The following FGFRL1 variants were observed in gnomAD, a reference collection of about 807,000 sequenced individuals.
FGFRL1 encodes fibroblast growth factor receptor-like 1.
Under a neutral mutation model 36.8 loss-of-function variants are expected in FGFRL1, and 24 were observed. The observed-to-expected ratio is 0.65, with a 90% CI of 0.47 to 0.92. The LOEUF is 0.92. Ranked by LOEUF, FGFRL1 falls within the 40% of genes least tolerant of loss-of-function variation. The pLI is 0.00. For missense variants in FGFRL1, 785 were observed against 753.4 expected (o/e 1.04, Z -0.49); for synonymous variants, 422 against 344.1 (o/e 1.23, Z -2.50).
intron 2 of FGFRL1, among the ~76,000 whole-genome samples, chr4:1,016,905 G>A (rs1261588398): frequency 6.6e-6 from 1 of 152,122 alleles, no homozygotes; most frequent in Non-Finnish European, 1.5e-5. Flanking sequence ...TGACTCTGGG[G>A]TTTCCCACTC....
chr4:1,026,107 C>T lies in FGFRL1; in HGVS notation c.*760C>T, dbSNP rs1456862232. On this transcript the variant is annotated 3_prime_UTR_variant, in exon 7 of 7. Transcript: ENST00000510644. ...CGCAGATATGCTGCCTGGACACACACACAGATAATGCTGCCTCAACACTCA... is the reference window on the plus strand; with the variant it reads ...CGCAGATATGCTGCCTGGACACACATACAGATAATGCTGCCTCAACACTCA... 6.4e-6 allele frequency: 1 copy of T among 155,780 alleles called. No individual in the cohort carries two copies. The highest frequency in any genetic ancestry group is 2.4e-5 in the African/African-American group (1 of 41,334). 9.6% of individuals were successfully genotyped at this position (155,780 alleles called of 1,614,324 possible).
intron 2 of FGFRL1, among the ~76,000 whole-genome samples, chr4:1,016,390 G>C (rs892073896): frequency 6.6e-6 from 1 of 152,146 alleles, no homozygotes; most frequent in Admixed American, 6.5e-5. Flanking sequence ...GGCCTGGTGA[G>C]GTCTGGACTG....
chr4:1,024,569 C>A lies in FGFRL1; in HGVS notation c.977C>A (p.Thr326Asn). Residue 326 changes from threonine (T) to asparagine (N), a missense_variant, in exon 6 of 7, where the codon ACC becomes AAC. Coordinates refer to ENST00000510644, the MANE Select transcript of FGFRL1 (RefSeq NM_001004356.3). The part of the protein sequence containing the change: ...DGSYLNKLLI[T>N]RARQDDAGMY... ...TCCTACCTCAATAAGCTGCTCATCA[C>A]CCGTGCCCGCCAGGACGATGCGGGC... 1 of 1,612,466 alleles carries A rather than the reference C, an allele frequency of 6.2e-7. No individual in the cohort carries two copies. Among genetic ancestry groups the A allele is most frequent in the Non-Finnish European group, 8.5e-7 (1 of 1,179,866 alleles).
chr4:1,020,611 A>ATGGGG (rs1165412406), intron 2 of FGFRL1, among the ~76,000 whole-genome samples: 1 of 123,744 alleles, frequency 8.1e-6, no homozygotes, highest in South Asian at 3.2e-4. Context: ...CAGGCAGGGG[A>ATGGGG]TGGGGTGGGG....
Position 1,024,374 on chromosome 4 carries a change from G to C in FGFRL1, c.782G>C (p.Gly261Ala). The change falls in exon 6 of 7, where the codon GGG (glycine) becomes GCG (alanine). Residue 261 changes from glycine to alanine, a missense_variant. Transcript: ENST00000510644. ...CCCGTGAACACGACGGTGGACTTCG[G>C]GGGGACCACGTCCTTCCAGTGCAAG... is the stretch of plus-strand genomic sequence containing the variant. Reference protein sequence around the residue: ...THPVNTTVDFGGTTSFQCKVR... With the variant: ...THPVNTTVDFAGTTSFQCKVR... 2 of 1,612,418 alleles carry C rather than the reference G, an allele frequency of 1.2e-6. No individual in the cohort carries two copies.
At position 1,024,654 on chromosome 4, in the gene FGFRL1, C is replaced by T. The variant is rs765131320; in HGVS notation, c.1062C>T (p.Thr354=). 25 of 1,599,718 alleles carry T rather than the reference C, an allele frequency of 1.6e-5. No individual in the cohort carries two copies. Among genetic ancestry groups the T allele is most frequent in the East Asian group, 4.5e-5 (2 of 44,586 alleles). Residue 354 remains threonine, a synonymous_variant, in exon 6 of 7, where the codon ACC becomes ACT. Transcript: ENST00000510644. ...ACAGCTTCCGCAGCGCCTTCCTCAC[C>T]GTGCTGCCAGGTGCGCGGCTGCCAC... The part of the protein sequence containing the change: ...MGYSFRSAFL[T]VLPDPKPPGP...
In FGFRL1 at chr4:1,024,432, G is replaced by A. The variant is rs1219416023; in HGVS notation, c.840G>A (p.Trp280Ter). The A allele has an allele frequency of 6.2e-7, 1 of 1,612,578 alleles. No individual in the cohort carries two copies. The highest frequency in any genetic ancestry group is 1.3e-5 in the African/African-American group (1 of 75,042). ...VRSDVKPVIQ[W>*]LKRVEYGAEG... ...GCGACGTGAAGCCGGTGATCCAGTG[G>A]CTGAAGCGCGTGGAGTACGGCGCCG... The change falls in exon 6 of 7, where the codon TGG (tryptophan) becomes TGA (stop). Residue 280 changes from tryptophan to a stop codon, truncating the protein, a stop_gained. Coordinates refer to ENST00000510644, the MANE Select transcript of FGFRL1 (RefSeq NM_001004356.3). LOFTEE classifies it high-confidence loss of function.
intron 2 of FGFRL1, among the ~76,000 whole-genome samples, chr4:1,019,711 G>A (rs543212897): frequency 3.3e-5 from 5 of 152,304 alleles, no homozygotes; most frequent in East Asian, 3.9e-4. Flanking sequence ...TTTCCTCTCC[G>A]GGGAGCTGCA....
intron 2 of FGFRL1, among the ~76,000 whole-genome samples, chr4:1,014,709 G>C (rs1243223442): frequency 6.6e-6 from 1 of 152,220 alleles, no homozygotes; most frequent in Admixed American, 6.5e-5. Context: ...TTCCTCCCTC[G>C]CCCCAGGCCC....
At chr4:1,018,755 G>A (rs990016882) in intron 2 of FGFRL1, among the ~76,000 whole-genome samples, 2 of 152,198 alleles carry the variant, frequency 1.3e-5, no homozygotes, top group African/African-American at 2.4e-5. Flanking sequence ...TTGGACGCCC[G>A]TCCAGGTGGC....
intron 2 of FGFRL1, among the ~76,000 whole-genome samples, chr4:1,014,652 C>T (rs796673166): frequency 2.4e-4 from 36 of 152,334 alleles, no homozygotes; most frequent in African/African-American, 7.7e-4. Context: ...AAGCAATAGC[C>T]GTGGGTGTAC....
intron 2 of FGFRL1, among the ~76,000 whole-genome samples, 170 bp downstream of exon 2, chr4:1,012,734 C>T (rs1218177558): frequency 6.6e-6 from 1 of 152,230 alleles, no homozygotes; most frequent in Non-Finnish European, 1.5e-5. Flanking sequence ...ATGGGCTGTC[C>T]ACAGCACCCA....
In FGFRL1 at chr4:1,025,704, A is replaced by G; in HGVS notation, c.*357A>G. 1 of 341,024 alleles carries G rather than the reference A, an allele frequency of 2.9e-6. No homozygotes were observed. The highest frequency in any genetic ancestry group is 5.5e-6 in the Non-Finnish European group (1 of 182,528). 21.1% of individuals were successfully genotyped at this position (341,024 alleles called of 1,614,324 possible). The stretch of plus-strand genomic sequence containing the variant: ...ATGCTGCCTGAACATACACACGCAC[A>G]CCCATGCGCAGATGTGCTGCCTGGA... On this transcript the variant is annotated 3_prime_UTR_variant, in exon 7 of 7. Transcript: ENST00000510644.
chr4:1,017,512 G>C (rs142361119), intron 2 of FGFRL1, among the ~76,000 whole-genome samples: 2 of 152,198 alleles, frequency 1.3e-5, no homozygotes, highest in African/African-American at 4.8e-5. Flanking sequence ...GGAAGCCCCC[G>C]TTGTCCCTAC....
In FGFRL1 at chr4:1,025,294, A is replaced by T. The variant is rs768557913; in HGVS notation, c.1462A>T (p.Thr488Ser). Reference protein sequence around the residue: ...IHTHTHTHSHTHSHVEGKVHQ... With the variant: ...IHTHTHTHSHSHSHVEGKVHQ... ...CACACACACACACACACACTCTCAC[A>T]CACACTCACACGTGGAGGGCAAGGT... The change falls in exon 7 of 7, where the codon ACA (threonine) becomes TCA (serine). Residue 488 changes from threonine (T) to serine (S), a missense_variant. Thr to Ser is a moderately conservative substitution (Grantham distance 58, BLOSUM62 1). Transcript: ENST00000510644. 2.2e-5 allele frequency: 35 copies of T among 1,574,796 alleles called. No homozygotes were observed. Among genetic ancestry groups the T allele is most frequent in the Non-Finnish European group, 2.8e-5 (33 of 1,159,766 alleles).
Position 1,024,435 on chromosome 4 carries a change from G to C in FGFRL1, c.843G>C (p.Leu281=). The C allele has an allele frequency of 6.2e-7, 1 of 1,612,584 alleles. No individual in the cohort carries two copies. Among genetic ancestry groups the C allele is most frequent in the Middle Eastern group, 1.7e-4 (1 of 6,060 alleles). The part of the protein sequence containing the change: ...RSDVKPVIQW[L]KRVEYGAEGR... ...ACGTGAAGCCGGTGATCCAGTGGCTGAAGCGCGTGGAGTACGGCGCCGAGG... is the reference window on the plus strand; with the variant it reads ...ACGTGAAGCCGGTGATCCAGTGGCTCAAGCGCGTGGAGTACGGCGCCGAGG... The change falls in exon 6 of 7, where the codon CTG becomes CTC. Residue 281 remains leucine (L), a synonymous_variant. Transcript: ENST00000510644.
intron 2 of FGFRL1, among the ~76,000 whole-genome samples, chr4:1,016,959 G>A (rs1422197805): frequency 6.6e-6 from 1 of 152,166 alleles, no homozygotes; most frequent in East Asian, 1.9e-4. Flanking sequence ...CAGCCACATA[G>A]CGGCCATCTG....
chr4:1,012,172 A>C, intron 1 of FGFRL1: 1 of 196,510 alleles, frequency 5.1e-6, no homozygotes, highest in Non-Finnish European at 1.0e-5. Flanking sequence ...GGCGCAGGCG[A>C]TTATCTGCGG....
At chr4:1,010,826 C>T (rs1205518055), upstream of FGFRL1, 2 of 152,278 alleles carry the variant, frequency 1.3e-5, no homozygotes, top group Non-Finnish European at 2.9e-5. Context: ...GCCTCCGTTT[C>T]TTCATCTGCT....
Sources: gnomAD v4.1 joint callset for allele counts (sites outside exome capture counted in the v4.1 genomes callset) on GRCh38, gnomAD v4.1.1 for gene constraint, MANE v1.5 for transcripts, NCBI Gene and HGNC (gene_info 2026-07-23, HGNC 2026-07-21) for gene names.